The following CERKL variants were observed in gnomAD, a reference collection of about 807,000 sequenced individuals.
CERKL encodes ceramide kinase-like protein.
In CERKL, 61 loss-of-function variants were observed where a neutral mutation model predicts 63.4. The ratio of observed to expected loss-of-function variants is 0.96; its 90% CI spans 0.78 to 1.19. The LOEUF (loss-of-function observed/expected upper bound fraction) is 1.19. Among genes scored for constraint, CERKL ranks in the 50% most tolerant of loss-of-function variants. The probability of loss-of-function intolerance (pLI) is 0.00; values close to 1 mark genes in which losing one functional copy is unlikely to be tolerated. For missense variants in CERKL, 675 were observed against 655.5 expected, an observed-to-expected ratio of 1.03 and a Z score of -0.33; for synonymous variants, 250 against 230.5, an observed-to-expected ratio of 1.08 and a Z score of -0.77.
rs35040208 is a variant in CERKL, at chr2:181,616,206, A to AT, written c.239-12128dup. On this transcript the variant is annotated intron_variant, in intron 1 of 12. Transcript: ENST00000410087. ...ATCAATGAAACAGTCAAAAATCTAA[A>AT]TTTTTTTTTTTTTTTTTTTTTTTTT... is the stretch of plus-strand genomic sequence containing the variant. Among the ~76,000 whole-genome samples the AT allele has an allele frequency of 5.3e-3, 581 of 110,042 alleles. 3 individuals carry two copies. The highest frequency in any genetic ancestry group is 6.3e-3 in the Admixed American group (64 of 10,084). 72.2% of individuals were successfully genotyped at this position (110,042 alleles called of 152,430 possible). A position where few individuals can be genotyped will look rare whatever the true frequency, so the allele number is the denominator to read the frequency against.
chr2:181,618,982 ATTG>A (rs1177772257), intron 1 of CERKL, among the ~76,000 whole-genome samples: 1 of 152,182 alleles, frequency 6.6e-6, no homozygotes, highest in Non-Finnish European at 1.5e-5. Flanking sequence ...TTATTACTAG[ATTG>A]TTTTTACACC....
chr2:181,571,714 T>C (rs748193276), intron 3 of CERKL, among the ~76,000 whole-genome samples: 21 of 152,138 alleles, frequency 1.4e-4, no homozygotes, highest in Admixed American at 6.6e-5. Flanking sequence ...ATTTTGCCCT[T>C]TCTTCTCCCT....
At chr2:181,615,283 T>C (rs906199732) in intron 1 of CERKL, among the ~76,000 whole-genome samples, 3 of 152,238 alleles carry the variant, frequency 2.0e-5, no homozygotes, top group African/African-American at 7.2e-5. Context: ...TAAAGTAGGT[T>C]ACTTACGGTG....
chr2:181,604,439 G>A (rs6752137), intron 1 of CERKL, among the ~76,000 whole-genome samples: 35,185 of 152,042 alleles, frequency 0.23, 7,613 homozygotes, highest in African/African-American at 0.57. Flanking sequence ...CAGTCCCTAC[G>A]TGAGATGGAA....
In CERKL at chr2:181,656,824, C is replaced by T. The variant is rs564261104; in HGVS notation, c.183G>A (p.Val61=). Residue 61 remains valine (V), a synonymous_variant, in exon 1 of 13, where the codon GTG becomes GTA. Coordinates refer to ENST00000410087, the MANE Select transcript of CERKL (RefSeq NM_201548.5). The part of the protein sequence containing the change: ...IFEIGRDSCD[V]VLSERALRWR... Reference sequence around the variant, plus strand: ...ACCGCAGTGCTCGCTCGCTCAGCACCACGTCACAACTGTCCCTCCCGATCT... The same window carrying T: ...ACCGCAGTGCTCGCTCGCTCAGCACTACGTCACAACTGTCCCTCCCGATCT... The T allele has an allele frequency of 8.8e-6, 14 of 1,599,460 alleles. No individual in the cohort carries two copies. The South Asian group carries it at 1.2e-4, about 14-fold the overall frequency.
intron 1 of CERKL, among the ~76,000 whole-genome samples, chr2:181,612,189 T>C (rs939062452): frequency 6.6e-6 from 1 of 152,242 alleles, no homozygotes; most frequent in Non-Finnish European, 1.5e-5. Flanking sequence ...TGGATGATTT[T>C]TACTACAACT....
chr2:181,642,546 A>G (rs1687488911), intron 1 of CERKL, among the ~76,000 whole-genome samples: 1 of 152,242 alleles, frequency 6.6e-6, no homozygotes, highest in Non-Finnish European at 1.5e-5. Context: ...AATAAGAAAC[A>G]CTTTCCAGAC....
At chr2:181,612,935 G>C (rs766413655) in intron 1 of CERKL, among the ~76,000 whole-genome samples, 1 of 152,026 alleles carries the variant, frequency 6.6e-6, no homozygotes, top group African/African-American at 2.4e-5. Flanking sequence ...TACCATACAC[G>C]TTTACAATGT....
At chr2:181,653,208 G>T (rs1216345481) in intron 1 of CERKL, among the ~76,000 whole-genome samples, 3 of 152,164 alleles carry the variant, frequency 2.0e-5, no homozygotes, top group Non-Finnish European at 2.9e-5. Context: ...ACCACAATTA[G>T]ATACACCTCA....
At position 181,656,782 on chromosome 2, in the gene CERKL, G is replaced by T. The variant is rs965700512; in HGVS notation, c.225C>A (p.Pro75=). 6.3e-7 allele frequency: 1 copy of T among 1,595,962 alleles called. No homozygotes were observed. The highest frequency in any genetic ancestry group is 8.5e-7 in the Non-Finnish European group (1 of 1,170,678). ...ERALRWRPIQ[P]ERPAGDSKYD... ...CCGGGCACTCACCCGCCGGGCGCTC[G>T]GGCTGAATGGGCCGCCACCGCAGTG... is the stretch of plus-strand genomic sequence containing the variant. The change falls in exon 1 of 13, where the codon CCC becomes CCA. Residue 75 remains proline, a synonymous_variant. Coordinates refer to ENST00000410087, the MANE Select transcript of CERKL (RefSeq NM_201548.5).
At chr2:181,585,543 G>C (rs913901162) in intron 2 of CERKL, among the ~76,000 whole-genome samples, 2 of 152,070 alleles carry the variant, frequency 1.3e-5, no homozygotes, top group African/African-American at 4.8e-5. Flanking sequence ...TAAGTTTTCT[G>C]ATAGGTATCT....
intron 2 of CERKL, among the ~76,000 whole-genome samples, chr2:181,593,886 A>G (rs929501250): frequency 6.7e-6 from 1 of 150,018 alleles, no homozygotes; most frequent in Non-Finnish European, 1.5e-5. Context: ...AAAAAAAAAG[A>G]ATGTATTTTT....
At chr2:181,566,710 G>A (rs535349056) in intron 3 of CERKL, among the ~76,000 whole-genome samples, 18 of 152,140 alleles carry the variant, frequency 1.2e-4, no homozygotes, top group Admixed American at 2.0e-4. Context: ...CAGACCCTCC[G>A]AGGAAATGAA....
chr2:181,609,573 G>T (rs534065881), intron 1 of CERKL, among the ~76,000 whole-genome samples: 1 of 139,876 alleles, frequency 7.1e-6, no homozygotes, highest in Non-Finnish European at 1.6e-5. Flanking sequence ...AGGTGTAGTG[G>T]CACACACCTG....
At chr2:181,618,208 C>T (rs1442302487) in intron 1 of CERKL, among the ~76,000 whole-genome samples, 3 of 151,252 alleles carry the variant, frequency 2.0e-5, no homozygotes, top group Non-Finnish European at 2.9e-5. Context: ...CAGACTTCAC[C>T]ACTAAGCAAT....
intron 1 of CERKL, among the ~76,000 whole-genome samples, chr2:181,628,187 G>A (rs1004896526): frequency 3.3e-5 from 5 of 152,050 alleles, no homozygotes; most frequent in South Asian, 2.1e-4. Flanking sequence ...ACTCCAAAAC[G>A]CAACACCATC....
At chr2:181,576,468 C>A (rs1200269517) in intron 2 of CERKL, among the ~76,000 whole-genome samples, 1 of 152,216 alleles carries the variant, frequency 6.6e-6, no homozygotes, top group Non-Finnish European at 1.5e-5. Flanking sequence ...TGTCCTTTAA[C>A]TATGAAAGAC....
At chr2:181,557,671 T>C (rs1170204836) in intron 5 of CERKL, among the ~76,000 whole-genome samples, 3 of 152,156 alleles carry the variant, frequency 2.0e-5, no homozygotes, top group Non-Finnish European at 4.4e-5. Flanking sequence ...TCCAATCAGG[T>C]TGCCCCCTTG....
At chr2:181,575,565 G>A (rs1237064848) in intron 2 of CERKL, among the ~76,000 whole-genome samples, 1 of 152,096 alleles carries the variant, frequency 6.6e-6, no homozygotes, top group Non-Finnish European at 1.5e-5. Context: ...TCAAGAGAAG[G>A]GAGTATCTGA....
Sources: allele counts gnomAD v4.1 joint callset (sites outside exome capture counted in the v4.1 genomes callset), GRCh38; gene constraint gnomAD v4.1.1; transcripts MANE v1.5; gene names NCBI Gene and HGNC (gene_info 2026-07-23, HGNC 2026-07-21).